The following PLEKHG4 variants were observed in gnomAD, a reference collection of about 807,000 sequenced individuals.
PLEKHG4 encodes the protein pleckstrin homology and RhoGEF domain containing G4.
In PLEKHG4, 85 loss-of-function variants were observed where a neutral mutation model predicts 136.9. The observed-to-expected ratio is 0.62, with a 90% CI of 0.52 to 0.74. The LOEUF (loss-of-function observed/expected upper bound fraction) is 0.74, where lower values mean the gene tolerates loss of function less well. Among genes scored for constraint, PLEKHG4 ranks in the 30% least tolerant of loss-of-function variants. The pLI is 0.00. For synonymous variants in PLEKHG4, 577 were observed against 646.9 expected, an observed-to-expected ratio of 0.89 and a Z score of 1.64; for missense variants, 1,317 against 1,527.8, an observed-to-expected ratio of 0.86 and a Z score of 2.30.
At position 67,279,875 on chromosome 16, in the gene PLEKHG4, G is replaced by C. The variant is rs2036130444; in HGVS notation, c.-169-1G>C. ...CCCTTAACGTTATTCCCTCTTCCCAGGCCTGAATTGCAGTTCCTGTGCCCT... is the reference window on the plus strand; with the variant it reads ...CCCTTAACGTTATTCCCTCTTCCCACGCCTGAATTGCAGTTCCTGTGCCCT... On this transcript the variant is annotated splice_acceptor_variant, in intron 1 of 21. Transcript: ENST00000379344. LOFTEE classifies it low-confidence loss of function (5UTR_SPLICE). 1.5e-6 allele frequency: 1 copy of C among 653,114 alleles called. No homozygotes were observed. The highest frequency in any genetic ancestry group is 2.8e-5 in the Admixed American group (1 of 35,536). The allele number at this position is 653,114 out of a possible 1,614,324, so 40.5% of individuals were successfully genotyped here. A position where few individuals can be genotyped will look rare whatever the true frequency, so the allele number is the denominator to read the frequency against.
rs2036635390 is a variant in PLEKHG4 at position 67,289,308 on chromosome 16, T to C, written c.*500T>C. 3 of 435,988 alleles carry C rather than the reference T, an allele frequency of 6.9e-6. No homozygotes were observed. Among genetic ancestry groups the C allele is most frequent in the African/African-American group, 2.0e-5 (1 of 49,988 alleles). The allele number at this position is 435,988 out of a possible 1,614,324, so 27.0% of individuals were successfully genotyped here. The stretch of plus-strand genomic sequence containing the variant: ...CTGGCCCCCAGGCCCAGCCCCTTTT[T>C]ACTGGGGCAGTTTCGTTATTTTGAC... On this transcript the variant is annotated 3_prime_UTR_variant, in exon 22 of 22. Coordinates refer to ENST00000379344, the MANE Select transcript of PLEKHG4 (RefSeq NM_001129729.3).
chr16:67,281,926 A>C (rs1383067328), intron 7 of PLEKHG4, 83 bp from the exon 8 acceptor site: 5 of 1,547,882 alleles, frequency 3.2e-6, no homozygotes, highest in Non-Finnish European at 4.5e-6. Context: ...GAACCAGACA[A>C]AGCTGGCTGC....
intron 11 of PLEKHG4, among the ~76,000 whole-genome samples, chr16:67,283,162 C>G (rs755880117): frequency 5.9e-5 from 9 of 151,956 alleles, no homozygotes; most frequent in Non-Finnish European, 1.3e-4. Flanking sequence ...TGAGGTCAAC[C>G]AGGCAGAAGA....
chr16:67,289,202 T>A lies in PLEKHG4; in HGVS notation c.*394T>A, dbSNP rs2036630910. 2.3e-6 allele frequency: 1 copy of A among 439,434 alleles called. No individual in the cohort carries two copies. Among genetic ancestry groups the A allele is most frequent in the Non-Finnish European group, 4.2e-6 (1 of 240,398 alleles). 27.2% of individuals were successfully genotyped at this position (439,434 alleles called of 1,614,324 possible). A position where few individuals can be genotyped will look rare whatever the true frequency, so the allele number is the denominator to read the frequency against. The stretch of plus-strand genomic sequence containing the variant: ...ACACAGGTGGGCTCCTAGCAGCTGA[T>A]CCCCAATGCCTGGCCTTAAAGCCGA... On this transcript the variant is annotated 3_prime_UTR_variant, in exon 22 of 22. Coordinates refer to ENST00000379344, the MANE Select transcript of PLEKHG4 (RefSeq NM_001129729.3).
At chr16:67,279,678 G>A (rs2142420241) in intron 1 of PLEKHG4, 52 bp downstream of exon 1, 2 of 205,882 alleles carry the variant, frequency 9.7e-6, no homozygotes, top group South Asian at 1.7e-4. Flanking sequence ...CCTGCAACAA[G>A]GCCAGGGCCT....
At position 67,289,131 on chromosome 16, in the gene PLEKHG4, A is replaced by G; in HGVS notation, c.*323A>G. 1 of 503,052 alleles carries G rather than the reference A, an allele frequency of 2.0e-6. No homozygotes were observed. Among genetic ancestry groups the G allele is most frequent in the Non-Finnish European group, 3.6e-6 (1 of 275,172 alleles). 31.2% of individuals were successfully genotyped at this position (503,052 alleles called of 1,614,324 possible). A position where few individuals can be genotyped will look rare whatever the true frequency, so the allele number is the denominator to read the frequency against. ...CCATGCTGTAGGCTGGTGGGGGACC[A>G]TGTGCCTCTAGGCAGTGACTAGGGT... On this transcript the variant is annotated 3_prime_UTR_variant, in exon 22 of 22. Transcript: ENST00000379344.
Position 67,284,193 on chromosome 16 carries a change from C to A in PLEKHG4, c.1510-82C>A. On this transcript the variant is annotated intron_variant, in intron 11 of 21. Coordinates refer to ENST00000379344, the MANE Select transcript of PLEKHG4 (RefSeq NM_001129729.3). The surrounding 1 kb of genome is among the most constrained non-coding windows in gnomAD (Gnocchi z 4.4). ...CAGGACAGACTTGATGGGGACATGTCGATATGTCAGCAGGAAGTATCTGAG... is the reference window on the plus strand; with the variant it reads ...CAGGACAGACTTGATGGGGACATGTAGATATGTCAGCAGGAAGTATCTGAG... The A allele has an allele frequency of 8.1e-7, 1 of 1,236,386 alleles. No homozygotes were observed. Among genetic ancestry groups the A allele is most frequent in the Non-Finnish European group, 1.2e-6 (1 of 864,904 alleles). The allele number at this position is 1,236,386 out of a possible 1,614,324, so 76.6% of individuals were successfully genotyped here. A position where few individuals can be genotyped will look rare whatever the true frequency, so the allele number is the denominator to read the frequency against.
Position 67,282,765 on chromosome 16 carries a change from G to T in PLEKHG4, c.1416G>T (p.Val472=), listed in dbSNP as rs895460418. Residue 472 remains valine (V), a synonymous_variant, in exon 11 of 22, where the codon GTG becomes GTT. Transcript: ENST00000379344. ...AGATTGAAGTGTGGCTGCAGCAGGT[G>T]GGCTGGCCAGCACTGGAGGAGGCTG... ...LHQIEVWLQQ[V]GWPALEEAGE... The T allele has an allele frequency of 6.2e-7, 1 of 1,613,388 alleles. No individual in the cohort carries two copies. The highest frequency in any genetic ancestry group is 8.5e-7 in the Non-Finnish European group (1 of 1,180,012).
chr16:67,288,703 T>C, intron 21 of PLEKHG4, 99 bp downstream of exon 21: 1 of 1,596,616 alleles, frequency 6.3e-7, no homozygotes, highest in Non-Finnish European at 8.6e-7. Flanking sequence ...GGCCTTTACT[T>C]TGGGTAGAGC....
Position 67,281,657 on chromosome 16 carries a change from G to C in PLEKHG4, c.891+13G>C, listed in dbSNP as rs774174754. 6.2e-7 allele frequency: 1 copy of C among 1,613,952 alleles called. No individual in the cohort carries two copies. Among genetic ancestry groups the C allele is most frequent in the Admixed American group, 1.7e-5 (1 of 60,030 alleles). ...TTCCGGGCTGCAGGTACTAAGCCCA[G>C]TTGGCTAGGGGTAGAGGTGGGGTGC... On this transcript the variant is annotated intron_variant, in intron 6 of 21. Coordinates refer to ENST00000379344, the MANE Select transcript of PLEKHG4 (RefSeq NM_001129729.3).
rs1004479888 is a variant in PLEKHG4, at chr16:67,289,077, G to T, written c.*269G>T. ...AGCTCCCATCCCAGTTGTGGGTTAAGAATAGGCTAGAGCAGACATTGGGTG... is the reference window on the plus strand; with the variant it reads ...AGCTCCCATCCCAGTTGTGGGTTAATAATAGGCTAGAGCAGACATTGGGTG... On this transcript the variant is annotated 3_prime_UTR_variant, in exon 22 of 22. Coordinates refer to ENST00000379344, the MANE Select transcript of PLEKHG4 (RefSeq NM_001129729.3). 2 of 593,880 alleles carry T rather than the reference G, an allele frequency of 3.4e-6. No individual in the cohort carries two copies. Among genetic ancestry groups the T allele is most frequent in the Non-Finnish European group, 6.1e-6 (2 of 328,382 alleles). 36.8% of individuals were successfully genotyped at this position (593,880 alleles called of 1,614,324 possible).
At chr16:67,286,200 G>C (rs1567439822) in intron 14 of PLEKHG4, 74 bp from the exon 15 acceptor site, 1 of 1,062,396 alleles carries the variant, frequency 9.4e-7, no homozygotes, top group East Asian at 2.4e-5. Context: ...CTCTCAAGCT[G>C]AGGGTGGTCT....
chr16:67,282,701 A>C (rs768745954), intron 10 of PLEKHG4, 41 bp from the exon 11 acceptor site: 1 of 1,613,220 alleles, frequency 6.2e-7, no homozygotes, highest in South Asian at 1.1e-5. Context: ...CCCCCAGTCC[A>C]TAGCAGCTCT....
chr16:67,280,364 G>T lies in PLEKHG4; in HGVS notation c.320G>T (p.Cys107Phe). 1 of 1,613,272 alleles carries T rather than the reference G, an allele frequency of 6.2e-7. No individual in the cohort carries two copies. The highest frequency in any genetic ancestry group is 8.5e-7 in the Non-Finnish European group (1 of 1,179,692). Residue 107 changes from cysteine to phenylalanine, a missense_variant, in exon 2 of 22, where the codon TGC becomes TTC. By Grantham distance (205) the Cys-to-Phe change is radical. Coordinates refer to ENST00000379344, the MANE Select transcript of PLEKHG4 (RefSeq NM_001129729.3). This position sits in a 1 kb window ranked among gnomAD's most constrained non-coding sequence, Gnocchi z 4.4. ...CCCTCTGGAGTGGAGAGTCTCCTAT[G>T]CCCCATGTCCTCCCACCTCAGCTTG... ...PGPSGVESLLCPMSSHLSLAQ... is the reference protein window; with the variant it reads ...PGPSGVESLLFPMSSHLSLAQ...
Position 67,281,156 on chromosome 16 carries a change from C to T in PLEKHG4, c.785C>T (p.Ser262Phe). 1 of 1,613,890 alleles carries T rather than the reference C, an allele frequency of 6.2e-7. No homozygotes were observed. The highest frequency in any genetic ancestry group is 1.1e-5 in the South Asian group (1 of 91,068). Residue 262 changes from serine to phenylalanine, a missense_variant, in exon 5 of 22, where the codon TCC (serine) becomes TTC (phenylalanine). Coordinates refer to ENST00000379344, the MANE Select transcript of PLEKHG4 (RefSeq NM_001129729.3). ...VDARICAPSSSLFSGLSQLQE... is the reference protein window; with the variant it reads ...VDARICAPSSFLFSGLSQLQE... Reference sequence around the variant, plus strand: ...GCCCGAATTTGTGCTCCAAGTTCTTCCCTCTTCTCTGGGCTCAGCCAACTA... The same window carrying T: ...GCCCGAATTTGTGCTCCAAGTTCTTTCCTCTTCTCTGGGCTCAGCCAACTA...
chr16:67,286,624 C>T lies in PLEKHG4; in HGVS notation c.2712C>T (p.His904=), dbSNP rs370850000. Reference sequence around the variant, plus strand: ...GCCTTGTGCACTTCCAGCTGCGGCACGGAAACGACCTGCTGGCCATGGACG... The same window carrying T: ...GCCTTGTGCACTTCCAGCTGCGGCATGGAAACGACCTGCTGGCCATGGACG... ...AQSLVHFQLR[H]GNDLLAMDAI... Residue 904 remains histidine (H), a synonymous_variant, in exon 16 of 22, where the codon CAC becomes CAT. Coordinates refer to ENST00000379344, the MANE Select transcript of PLEKHG4 (RefSeq NM_001129729.3). The T allele has an allele frequency of 8.0e-5, 125 of 1,564,064 alleles. No individual in the cohort carries two copies. Among genetic ancestry groups the T allele is most frequent in the Non-Finnish European group, 1.0e-4 (121 of 1,153,770 alleles).
chr16:67,280,611 C>T lies in PLEKHG4; in HGVS notation c.499+68C>T. On this transcript the variant is annotated intron_variant, in intron 2 of 21. Coordinates refer to ENST00000379344, the MANE Select transcript of PLEKHG4 (RefSeq NM_001129729.3). The surrounding 1 kb of genome is among the most constrained non-coding windows in gnomAD (Gnocchi z 4.4). ...ATGCCTGGAGAGATGAGTGTCAAGA[C>T]TTTGGAGGTCTCTGACCCTACTCAG... is the stretch of plus-strand genomic sequence containing the variant. 1 of 1,611,846 alleles carries T rather than the reference C, an allele frequency of 6.2e-7. No individual in the cohort carries two copies. Among genetic ancestry groups the T allele is most frequent in the Non-Finnish European group, 8.5e-7 (1 of 1,178,464 alleles).
At position 67,287,066 on chromosome 16, in the gene PLEKHG4, C is replaced by T. The variant is rs199974367; in HGVS notation, c.2992C>T (p.Arg998Cys). The change falls in exon 18 of 22, where the codon CGC becomes TGC. Residue 998 changes from arginine to cysteine, a missense_variant. By Grantham distance (180) the Arg-to-Cys change is radical (BLOSUM62 -3). Transcript: ENST00000379344. ...CCTGCGCTTCGAGATCTGGTTCCGC[C>T]GCCGCAAGGCCAGGGACACCTTTGT... ...SNLRFEIWFR[R>C]RKARDTFVLQ... The T allele has an allele frequency of 9.3e-6, 15 of 1,613,336 alleles. No individual in the cohort carries two copies. The highest frequency in any genetic ancestry group is 3.3e-5 in the South Asian group (3 of 91,090).
Position 67,285,020 on chromosome 16 carries a change from C to T in PLEKHG4, c.2000C>T (p.Pro667Leu), listed in dbSNP as rs774489942. The stretch of plus-strand genomic sequence containing the variant: ...TGTGTCAGCCAGGTCCCCGCTGCAC[C>T]TGCCCACCCTCCCCTGAGGAAGGCC... ...SLCVSQVPAA[P>L]AHPPLRKAYS... is the part of the protein sequence containing the mutation. The change falls in exon 13 of 22, where the codon CCT (proline) becomes CTT (leucine). Residue 667 changes from proline to leucine, a missense_variant. Coordinates refer to ENST00000379344, the MANE Select transcript of PLEKHG4 (RefSeq NM_001129729.3). The T allele has an allele frequency of 1.1e-5, 18 of 1,613,662 alleles. No individual in the cohort carries two copies. The highest frequency in any genetic ancestry group is 1.4e-5 in the Non-Finnish European group (17 of 1,179,980).
Sources: allele counts gnomAD v4.1 joint callset (sites outside exome capture counted in the v4.1 genomes callset), GRCh38; gene constraint gnomAD v4.1.1; non-coding constraint Gnocchi (gnomAD v3.1); transcripts MANE v1.5; gene names NCBI Gene and HGNC (gene_info 2026-07-23, HGNC 2026-07-21).